The following MIPEP variants were observed in gnomAD, a reference collection of about 807,000 sequenced individuals.
MIPEP encodes mitochondrial intermediate peptidase.
Under a neutral mutation model 90.3 loss-of-function variants are expected in MIPEP, and 79 were observed. The ratio of observed to expected loss-of-function variants is 0.87; its 90% CI spans 0.73 to 1.05. The LOEUF (loss-of-function observed/expected upper bound fraction) is 1.05. MIPEP is among the 50% of genes least tolerant of loss of function. The pLI is 0.00. For missense variants in MIPEP, 940 were observed against 905.6 expected, an observed-to-expected ratio of 1.04 and a Z score of -0.49; for synonymous variants, 334 against 315.8, an observed-to-expected ratio of 1.06 and a Z score of -0.61.
chr13:23,883,322 C>T (rs1050963156), intron 2 of MIPEP, among the ~76,000 whole-genome samples: 1 of 151,532 alleles, frequency 6.6e-6, no homozygotes, highest in Admixed American at 6.6e-5. Flanking sequence ...AGATCAAAAG[C>T]AAAAATGTAG....
intron 14 of MIPEP, among the ~76,000 whole-genome samples, chr13:23,819,285 C>T (rs530239585): frequency 1.3e-5 from 2 of 152,258 alleles, no homozygotes; most frequent in African/African-American, 2.4e-5. Context: ...CCATACAGTC[C>T]GGTGTTTCCT....
intron 7 of MIPEP, among the ~76,000 whole-genome samples, chr13:23,868,073 A>G (rs1305600147): frequency 6.6e-6 from 1 of 152,150 alleles, no homozygotes; most frequent in Non-Finnish European, 1.5e-5. Flanking sequence ...CATTTAATAC[A>G]TAACATACAT....
chr13:23,760,393 G>C (rs1382302019), intron 16 of MIPEP, 176 bp from the exon 17 acceptor site: 1 of 832,468 alleles, frequency 1.2e-6, no homozygotes, highest in African/African-American at 1.7e-5. Context: ...ACACTGTTAG[G>C]GCTGAACTGT....
intron 17 of MIPEP, 40 bp downstream of exon 17, chr13:23,760,056 G>A: frequency 6.2e-7 from 1 of 1,612,904 alleles, no homozygotes; most frequent in Non-Finnish European, 8.5e-7. Context: ...GGGAATTACT[G>A]TGGTCCAAGA....
chr13:23,864,030 A>G, intron 8 of MIPEP, 111 bp downstream of exon 8: 1 of 625,748 alleles, frequency 1.6e-6, no homozygotes, highest in South Asian at 2.4e-5. Context: ...CTGGTCCAAT[A>G]TGCCAAAACT....
chr13:23,764,543 T>C (rs929523244), intron 16 of MIPEP, among the ~76,000 whole-genome samples: 5 of 152,178 alleles, frequency 3.3e-5, no homozygotes, highest in African/African-American at 1.2e-4. Context: ...GAACTAACCA[T>C]TTCTCCCAAT....
intron 10 of MIPEP, among the ~76,000 whole-genome samples, chr13:23,851,359 T>C (rs1869791162): frequency 6.6e-6 from 1 of 152,248 alleles, no homozygotes; most frequent in Non-Finnish European, 1.5e-5. Flanking sequence ...TGGAATTCCA[T>C]TAGTTTATAA....
At chr13:23,747,187 T>C (rs1264310569) in intron 18 of MIPEP, among the ~76,000 whole-genome samples, 4 of 152,150 alleles carry the variant, frequency 2.6e-5, no homozygotes, top group Admixed American at 2.6e-4. Context: ...AGAGCAGTGT[T>C]TGGTGGATTA....
chr13:23,818,145 G>A (rs1178611502), intron 14 of MIPEP, among the ~76,000 whole-genome samples: 1 of 150,594 alleles, frequency 6.6e-6, no homozygotes, highest in African/African-American at 2.5e-5. Flanking sequence ...GGCTAGGCAC[G>A]TTGGTTCACT....
chr13:23,885,157 G>A (rs1290446559), intron 2 of MIPEP, among the ~76,000 whole-genome samples: 7 of 152,172 alleles, frequency 4.6e-5, no homozygotes, highest in Non-Finnish European at 7.3e-5. Context: ...TCAACAACAT[G>A]GATGGTCATT....
At chr13:23,811,566 C>T (rs1290415458) in intron 14 of MIPEP, among the ~76,000 whole-genome samples, 1 of 152,198 alleles carries the variant, frequency 6.6e-6, no homozygotes, top group South Asian at 2.1e-4. Flanking sequence ...AATCACCTGC[C>T]ACTGCTAAGC....
chr13:23,779,832 T>C (rs1952760375), intron 16 of MIPEP, among the ~76,000 whole-genome samples: 1 of 152,216 alleles, frequency 6.6e-6, no homozygotes, highest in Non-Finnish European at 1.5e-5. Flanking sequence ...GCTCAGAGGT[T>C]CCCACACTCA....
At chr13:23,762,750 A>G (rs755838261) in intron 16 of MIPEP, among the ~76,000 whole-genome samples, 6 of 152,206 alleles carry the variant, frequency 3.9e-5, no homozygotes, top group Non-Finnish European at 5.9e-5. Context: ...TCTCTTGCAC[A>G]GCAACTAGAC....
rs189544665 is a variant in MIPEP at position 23,872,750 on chromosome 13, G to A, written c.603+2096C>T. On this transcript the variant is annotated intron_variant, in intron 5 of 18. Transcript: ENST00000382172. ...CTGTAATCATATGTTAGATAAAAGC[G>A]GCAATGTCTATGCTGGTGAAACTGA... 1.2e-3 allele frequency among the ~76,000 whole-genome samples: 181 copies of A among 152,202 alleles called. 1 individual carries two copies. The highest frequency in any genetic ancestry group is 4.2e-3 in the African/African-American group (173 of 41,532).
At chr13:23,755,606 T>C (rs1165291533) in intron 18 of MIPEP, among the ~76,000 whole-genome samples, 1 of 152,254 alleles carries the variant, frequency 6.6e-6, no homozygotes, top group Non-Finnish European at 1.5e-5. Context: ...CATCAATATA[T>C]TGCAATTATC....
intron 4 of MIPEP, among the ~76,000 whole-genome samples, chr13:23,875,294 T>C (rs1871022630): frequency 6.6e-6 from 1 of 152,134 alleles, no homozygotes; most frequent in African/African-American, 2.4e-5. Flanking sequence ...TAAATAATTA[T>C]TTATTTCAAC....
At chr13:23,888,804 G>A (rs1871648281) in intron 1 of MIPEP, 1 of 1,030,150 alleles carries the variant, frequency 9.7e-7, no homozygotes, top group Middle Eastern at 4.0e-4. Flanking sequence ...GCAGGGGTGC[G>A]CCTGAGTGTA....
intron 18 of MIPEP, among the ~76,000 whole-genome samples, chr13:23,750,184 T>A (rs1264812447): frequency 2.0e-5 from 3 of 152,192 alleles, no homozygotes; most frequent in Non-Finnish European, 2.9e-5. Context: ...GTTTCCCCTA[T>A]CATTAATATC....
chr13:23,878,720 C>T (rs1464084707), intron 4 of MIPEP, among the ~76,000 whole-genome samples: 2 of 152,140 alleles, frequency 1.3e-5, no homozygotes, highest in African/African-American at 2.4e-5. Flanking sequence ...CTTTTTGATG[C>T]AGATTTATAA....
Sources: gnomAD v4.1 joint callset for allele counts (sites outside exome capture counted in the v4.1 genomes callset) on GRCh38, gnomAD v4.1.1 for gene constraint, MANE v1.5 for transcripts, NCBI Gene and HGNC (gene_info 2026-07-23, HGNC 2026-07-21) for gene names.